KLRF2: variants seen among roughly 807,000 people sequenced by gnomAD.
KLRF2 encodes the protein killer cell lectin like receptor F2.
In KLRF2, 28 loss-of-function variants were observed where a neutral mutation model predicts 25.3. The observed-to-expected ratio is 1.11, with a 90% CI of 0.82 to 1.52. The LOEUF is 1.52. Ranked by LOEUF, KLRF2 falls within the 40% of genes most tolerant of loss-of-function variation. The probability of loss-of-function intolerance (pLI) is 0.00; values close to 1 mark genes in which losing one functional copy is unlikely to be tolerated. For missense variants in KLRF2, 265 were observed against 245.8 expected (o/e 1.08, Z -0.52); for synonymous variants, 73 against 85.0 (o/e 0.86, Z 0.78).
At chr12:9,889,301 T>G (rs1478918594) in intron 3 of KLRF2, among the ~76,000 whole-genome samples, 3 of 152,366 alleles carry the variant, frequency 2.0e-5, no homozygotes, top group Admixed American at 6.5e-5. Context: ...TGTGTCAACT[T>G]GGCTAGGCCA....
At chr12:9,889,606 T>C (rs994572763) in intron 3 of KLRF2, among the ~76,000 whole-genome samples, 4 of 152,026 alleles carry the variant, frequency 2.6e-5, no homozygotes, top group African/African-American at 9.7e-5. Flanking sequence ...CACAATTATA[T>C]GAGACAATAC....
chr12:9,881,753 C>T, intron 1 of KLRF2, 88 bp downstream of exon 1: 1 of 939,692 alleles, frequency 1.1e-6, no homozygotes, highest in East Asian at 2.6e-5. Flanking sequence ...AACATCTTAA[C>T]ATTGATCATA....
chr12:9,893,284 A>C, intron 4 of KLRF2, 116 bp downstream of exon 4: 1 of 962,410 alleles, frequency 1.0e-6, no homozygotes, highest in South Asian at 1.9e-5. Flanking sequence ...TGTTAGCCAC[A>C]ATGTAGTCAC....
At chr12:9,895,124 T>C (rs1315707026) in intron 5 of KLRF2, among the ~76,000 whole-genome samples, 1 of 152,218 alleles carries the variant, frequency 6.6e-6, no homozygotes, top group African/African-American at 2.4e-5. Context: ...AGTCATCTAA[T>C]AGGTTTTACT....
intron 1 of KLRF2, among the ~76,000 whole-genome samples, chr12:9,883,117 A>AT (rs2136992922): frequency 6.6e-6 from 1 of 152,282 alleles, no homozygotes; most frequent in African/African-American, 2.4e-5. Context: ...CTTGCTATAC[A>AT]TTTGCTTCCA....
At chr12:9,884,519 CATAG>C (rs960564225) in intron 1 of KLRF2, among the ~76,000 whole-genome samples, 4 of 150,268 alleles carry the variant, frequency 2.7e-5, no homozygotes, top group African/African-American at 9.7e-5. Flanking sequence ...TTGTGCCTGA[CATAG>C]ATATATACAT....
intron 3 of KLRF2, among the ~76,000 whole-genome samples, chr12:9,892,197 A>G (rs1309759489): frequency 6.6e-6 from 1 of 152,170 alleles, no homozygotes; most frequent in East Asian, 1.9e-4. Context: ...AGGTGGAAAT[A>G]TAACTGTATA....
chr12:9,894,277 G>C (rs746494490), intron 5 of KLRF2, among the ~76,000 whole-genome samples: 35 of 151,526 alleles, frequency 2.3e-4, no homozygotes, highest in Non-Finnish European at 4.3e-4. Context: ...GACCTTCTGG[G>C]CTCAAGCAAC....
rs1279913068 is a variant in KLRF2, at chr12:9,893,542, G to A, written c.479+1G>A. On this transcript the variant is annotated splice_donor_variant, in intron 5 of 5. Transcript: ENST00000535540. LOFTEE classifies it high-confidence loss of function. Reference sequence around the variant, plus strand: ...ATGAACACTTTTTAGTTCCAGAATTGTGAGTAGTTATTTGTAAGGGAGGGG... The same window carrying A: ...ATGAACACTTTTTAGTTCCAGAATTATGAGTAGTTATTTGTAAGGGAGGGG... 3.0e-6 allele frequency: 4 copies of A among 1,337,466 alleles called. No homozygotes were observed. Among genetic ancestry groups the A allele is most frequent in the South Asian group, 2.7e-5 (2 of 74,866 alleles). 82.8% of individuals were successfully genotyped at this position (1,337,466 alleles called of 1,614,324 possible). A position where few individuals can be genotyped will look rare whatever the true frequency, so the allele number is the denominator to read the frequency against.
chr12:9,890,145 A>G (rs929991200), intron 3 of KLRF2, among the ~76,000 whole-genome samples: 1 of 152,212 alleles, frequency 6.6e-6, no homozygotes, highest in Non-Finnish European at 1.5e-5. Context: ...GAATATTTAA[A>G]TACTTCAATA....
intron 2 of KLRF2, 26 bp from the exon 3 acceptor site, chr12:9,888,707 A>T (rs960238715): frequency 1.2e-5 from 16 of 1,351,506 alleles, no homozygotes; most frequent in Non-Finnish European, 1.6e-5. Flanking sequence ...AATGTTTCTC[A>T]TATCTTTTCT....
In KLRF2 at chr12:9,885,052, T is replaced by G; in HGVS notation, c.169+20T>G. On this transcript the variant is annotated intron_variant, in intron 2 of 5. Transcript: ENST00000535540. ...TCTGGCGTGAGTAGTAAATTTTTAT[T>G]TATTTGAACATTTTCAGAAGATAAA... 1 of 935,862 alleles carries G rather than the reference T, an allele frequency of 1.1e-6. No homozygotes were observed. The highest frequency in any genetic ancestry group is 3.8e-5 in the South Asian group (1 of 26,030). The allele number at this position is 935,862 out of a possible 1,614,324, so 58.0% of individuals were successfully genotyped here. A position where few individuals can be genotyped will look rare whatever the true frequency, so the allele number is the denominator to read the frequency against.
At chr12:9,890,773 A>G (rs1862666955) in intron 3 of KLRF2, among the ~76,000 whole-genome samples, 1 of 152,174 alleles carries the variant, frequency 6.6e-6, no homozygotes, top group Non-Finnish European at 1.5e-5. Flanking sequence ...TGCAAGTGAT[A>G]TTTCGTCATA....
intron 5 of KLRF2, among the ~76,000 whole-genome samples, chr12:9,894,126 T>TTCTCTCTC (rs141327204): frequency 0.016 from 2,089 of 130,238 alleles, 45 homozygotes; most frequent in African/African-American, 0.038. Context: ...TTTCTTTTCT[T>TTCTCTCTC]TCTCTCTCTC....
intron 1 of KLRF2, among the ~76,000 whole-genome samples, chr12:9,883,987 T>C (rs1018625686): frequency 1.3e-5 from 2 of 152,164 alleles, no homozygotes; most frequent in African/African-American, 4.8e-5. Context: ...ATTATCAGAG[T>C]ATCTCAAATT....
At position 9,893,534 on chromosome 12, in the gene KLRF2, C is replaced by A. The variant is rs1350160564; in HGVS notation, c.472C>A (p.Pro158Thr). 7.0e-7 allele frequency: 1 copy of A among 1,427,836 alleles called. No homozygotes were observed. Among genetic ancestry groups the A allele is most frequent in the East Asian group, 2.5e-5 (1 of 39,898 alleles). The allele number at this position is 1,427,836 out of a possible 1,614,324, so 88.4% of individuals were successfully genotyped here. Residue 158 changes from proline to threonine, a missense_variant, in exon 5 of 6, where the codon CCA (proline) becomes ACA (threonine). Coordinates refer to ENST00000535540, the MANE Select transcript of KLRF2 (RefSeq NM_001190765.1). ...GTGGATAGATGAACACTTTTTAGTT[C>A]CAGAATTGTGAGTAGTTATTTGTAA... ...WMWIDEHFLV[P>T]ELFSVIGPTD...
In KLRF2 at chr12:9,884,976, T is replaced by C; in HGVS notation, c.113T>C (p.Phe38Ser). The C allele has an allele frequency of 7.4e-7, 1 of 1,349,260 alleles. No individual in the cohort carries two copies. Among genetic ancestry groups the C allele is most frequent in the Non-Finnish European group, 9.6e-7 (1 of 1,044,292 alleles). 83.6% of individuals were successfully genotyped at this position (1,349,260 alleles called of 1,614,324 possible). ...CAATATTATTGTCTTCTGCTCATATTTGGATGCATTGTGATCCTTATATTC... is the reference window on the plus strand; with the variant it reads ...CAATATTATTGTCTTCTGCTCATATCTGGATGCATTGTGATCCTTATATTC... Reference protein sequence around the residue: ...YPQYYCLLLIFGCIVILIFIM... With the variant: ...YPQYYCLLLISGCIVILIFIM... Residue 38 changes from phenylalanine (F) to serine (S), a missense_variant, in exon 2 of 6, where the codon TTT becomes TCT. Physicochemically the swap from Phe to Ser is radical, Grantham distance 155. Coordinates refer to ENST00000535540, the MANE Select transcript of KLRF2 (RefSeq NM_001190765.1).
Position 9,892,343 on chromosome 12 carries a change from G to A in KLRF2, c.218-677G>A, listed in dbSNP as rs1862687213. On this transcript the variant is annotated intron_variant, in intron 3 of 5. Transcript: ENST00000535540. ...AGTAATCTCACAGACATGAAGTGCAGGTTGTAAAGACAATCTTGAAATGTC... is the reference window on the plus strand; with the variant it reads ...AGTAATCTCACAGACATGAAGTGCAAGTTGTAAAGACAATCTTGAAATGTC... Among the ~76,000 whole-genome samples the A allele has an allele frequency of 2.6e-5, 4 of 152,282 alleles. No homozygotes were observed. In the South Asian group the frequency reaches 8.3e-4, roughly 32 times the overall value.
In KLRF2 at chr12:9,894,152, CT is replaced by C. The variant is rs1368618312; in HGVS notation, c.479+612del. On this transcript the variant is annotated intron_variant, in intron 5 of 5. Coordinates refer to ENST00000535540, the MANE Select transcript of KLRF2 (RefSeq NM_001190765.1). ...TCTCTCTCTCTCTCTCTCTCTCTCT[CT>C]CCCTCCCTTCCTTCTTTGTTTCTTT... Among the ~76,000 whole-genome samples the C allele has an allele frequency of 3.4e-3, 505 of 147,276 alleles. 5 individuals carry two copies. In the East Asian group the frequency reaches 0.043, roughly 12 times the overall value.
Sources: allele counts gnomAD v4.1 joint callset (sites outside exome capture counted in the v4.1 genomes callset), GRCh38; gene constraint gnomAD v4.1.1; transcripts MANE v1.5; gene names NCBI Gene and HGNC (gene_info 2026-07-23, HGNC 2026-07-21).